Variants in COL25A1 observed in about 807,000 individuals in gnomAD.
COL25A1 encodes collagen alpha-1(XXV) chain.
A neutral mutation model predicts 128.4 loss-of-function variants in COL25A1; 103 were observed. The observed-to-expected ratio is 0.80, with a 90% confidence interval of 0.68 to 0.94. The LOEUF (loss-of-function observed/expected upper bound fraction) is 0.94. COL25A1 is among the 40% of genes least tolerant of loss of function. The pLI is 0.00. For synonymous variants in COL25A1, 279 were observed against 277.2 expected (o/e 1.01, Z -0.06); for missense variants, 745 against 840.0 (o/e 0.89, Z 1.40).
At chr4:109,057,846 T>A (rs1761592735) in intron 3 of COL25A1, among the ~76,000 whole-genome samples, 2 of 152,180 alleles carry the variant, frequency 1.3e-5, no homozygotes, top group African/African-American at 4.8e-5. Flanking sequence ...GTTTAACTGA[T>A]AATTAGTTGC....
intron 11 of COL25A1, among the ~76,000 whole-genome samples, chr4:108,924,035 T>C (rs1368455742): frequency 6.6e-6 from 1 of 152,200 alleles, no homozygotes; most frequent in African/African-American, 2.4e-5. Flanking sequence ...TCTCAACATA[T>C]TGAGCTATAT....
chr4:108,953,193 A>G (rs1560923822), intron 8 of COL25A1, among the ~76,000 whole-genome samples: 1 of 152,150 alleles, frequency 6.6e-6, no homozygotes. Context: ...CAAAAAGGTA[A>G]TGGATTGCTT....
intron 34 of COL25A1, 118 bp from the exon 35 acceptor site, chr4:108,824,345 C>T (rs1339596112): frequency 1.4e-6 from 1 of 709,768 alleles, no homozygotes; most frequent in Non-Finnish European, 2.4e-6. Flanking sequence ...AAATGGCTCA[C>T]CAGTGTTAAG....
intron 8 of COL25A1, among the ~76,000 whole-genome samples, chr4:108,942,021 T>C (rs558583890): frequency 6.6e-6 from 1 of 152,294 alleles, no homozygotes; most frequent in Admixed American, 6.5e-5. Context: ...TCCTCTCAAG[T>C]ATGCTCAGGA....
chr4:108,838,137 T>C, intron 31 of COL25A1: 1 of 1,550,380 alleles, frequency 6.5e-7, no homozygotes, highest in Non-Finnish European at 8.7e-7. Context: ...TTTGACCTGG[T>C]TCACCCTTCA....
intron 3 of COL25A1, among the ~76,000 whole-genome samples, chr4:109,251,164 TACAC>T (rs947403688): frequency 5.5e-4 from 83 of 152,194 alleles, no homozygotes; most frequent in African/African-American, 1.9e-3. Context: ...CACACACACA[TACAC>T]ACACAAACAT....
At chr4:108,979,630 G>A (rs1339639949) in intron 6 of COL25A1, among the ~76,000 whole-genome samples, 1 of 152,064 alleles carries the variant, frequency 6.6e-6, no homozygotes. Flanking sequence ...ATAAGAATGG[G>A]GTTATGACTT....
chr4:108,884,809 C>A (rs1740585099), intron 18 of COL25A1, among the ~76,000 whole-genome samples: 1 of 152,200 alleles, frequency 6.6e-6, no homozygotes, highest in Non-Finnish European at 1.5e-5. Flanking sequence ...GTCTGAGCAA[C>A]CCTGCTTAGC....
chr4:108,963,906 C>T (rs1233792042), intron 8 of COL25A1, among the ~76,000 whole-genome samples: 1 of 151,346 alleles, frequency 6.6e-6, no homozygotes, highest in Non-Finnish European at 1.5e-5. Flanking sequence ...ATAAGGCATA[C>T]ATCCAGGGAT....
chr4:109,265,049 A>T (rs750287702), intron 3 of COL25A1, among the ~76,000 whole-genome samples: 21 of 152,182 alleles, frequency 1.4e-4, no homozygotes, highest in Non-Finnish European at 2.5e-4. Context: ...TTCAGGTCCA[A>T]GTTCATGAAT....
intron 3 of COL25A1, among the ~76,000 whole-genome samples, chr4:109,072,345 A>AT (rs1188964237): frequency 1.3e-5 from 2 of 152,112 alleles, no homozygotes; most frequent in Non-Finnish European, 2.9e-5. Context: ...TAGGTTGAAC[A>AT]TTTTTTATTT....
At chr4:108,897,993 C>T (rs1009047169) in intron 15 of COL25A1, among the ~76,000 whole-genome samples, 1 of 152,082 alleles carries the variant, frequency 6.6e-6, no homozygotes. Context: ...AAAGAGTCAC[C>T]CAGTGACTAA....
At chr4:109,258,291 T>C (rs1005963994) in intron 3 of COL25A1, among the ~76,000 whole-genome samples, 8 of 152,244 alleles carry the variant, frequency 5.3e-5, no homozygotes, top group African/African-American at 1.7e-4. Flanking sequence ...TATTCATCCA[T>C]ACAGTCTTTT....
chr4:108,943,729 C>T (rs1463793949), intron 8 of COL25A1, among the ~76,000 whole-genome samples: 4 of 151,690 alleles, frequency 2.6e-5, no homozygotes, highest in East Asian at 3.9e-4. Flanking sequence ...TCCTCCCAGG[C>T]GTTATCAATT....
intron 6 of COL25A1, 110 bp downstream of exon 6, chr4:109,010,248 G>A (rs547896750): frequency 1.5e-5 from 13 of 858,142 alleles, no homozygotes; most frequent in Non-Finnish European, 2.2e-5. Context: ...GTGTGGTGTT[G>A]TGATTATCAG....
chr4:109,177,498 C>T (rs1578364125), intron 3 of COL25A1, among the ~76,000 whole-genome samples: 1 of 152,146 alleles, frequency 6.6e-6, no homozygotes, highest in East Asian at 1.9e-4. Flanking sequence ...CTTGAACCAG[C>T]CCCCACCCCA....
intron 3 of COL25A1, among the ~76,000 whole-genome samples, chr4:109,191,242 G>A (rs1043848333): frequency 2.0e-5 from 3 of 152,198 alleles, no homozygotes; most frequent in African/African-American, 7.2e-5. Flanking sequence ...AATAAATTAT[G>A]TATTTGCCTG....
chr4:109,107,067 C>T (rs1283499811), intron 3 of COL25A1, among the ~76,000 whole-genome samples: 1 of 152,032 alleles, frequency 6.6e-6, no homozygotes, highest in Non-Finnish European at 1.5e-5. Flanking sequence ...CACGACTAGC[C>T]CATTTAAAAT....
At chr4:108,834,303 A>T in intron 31 of COL25A1, 1 of 1,529,962 alleles carries the variant, frequency 6.5e-7, no homozygotes, top group Non-Finnish European at 8.9e-7. Context: ...GTGCTGAAGC[A>T]CATGATTCAC....
Sources: gnomAD v4.1 joint callset for allele counts (sites outside exome capture counted in the v4.1 genomes callset) on GRCh38, gnomAD v4.1.1 for gene constraint, MANE v1.5 for transcripts, NCBI Gene and HGNC (gene_info 2026-07-23, HGNC 2026-07-21) for gene names.